The following SIDT1 variants were observed in gnomAD, a reference collection of about 807,000 sequenced individuals.
SIDT1 encodes the protein SID1 transmembrane family member 1, also known as SID1 transmembrane family, member 1.
A neutral mutation model predicts 107.5 loss-of-function variants in SIDT1; 101 were observed. That is an observed-to-expected ratio of 0.94 (90% confidence interval 0.80 to 1.11). SIDT1 has a LOEUF of 1.11. SIDT1 is among the 50% of genes least tolerant of loss of function. The pLI is 0.00. For synonymous variants in SIDT1, 395 were observed against 398.2 expected (o/e 0.99, Z 0.10); for missense variants, 1,076 against 1,058.2 (o/e 1.02, Z -0.23).
chr3:113,548,423 G>T (rs1377781173), intron 1 of SIDT1, among the ~76,000 whole-genome samples: 1 of 151,914 alleles, frequency 6.6e-6, no homozygotes, highest in Non-Finnish European at 1.5e-5. Flanking sequence ...GCAACCACTG[G>T]TTTTGTTTTA....
chr3:113,608,243 G>A lies in SIDT1; in HGVS notation c.1602+26G>A, dbSNP rs778546178. 3.8e-6 allele frequency: 6 copies of A among 1,567,262 alleles called. No homozygotes were observed. The East Asian group carries it at 1.1e-4, about 29-fold the overall frequency. ...GTGAGGAAAGAGTGGGTAGGAGCTA[G>A]GAAGGGTTATGGATCCAAACAGGAT... On this transcript the variant is annotated intron_variant, in intron 16 of 24. Transcript: ENST00000264852.
intron 1 of SIDT1, among the ~76,000 whole-genome samples, chr3:113,552,450 G>C (rs1940367194): frequency 6.6e-6 from 1 of 152,172 alleles, no homozygotes; most frequent in African/African-American, 2.4e-5. Flanking sequence ...GTTCGTGCAA[G>C]GGTCTTAGCT....
chr3:113,567,429 C>G (rs1942019641), intron 2 of SIDT1, 111 bp from the exon 3 acceptor site: 3 of 842,542 alleles, frequency 3.6e-6, no homozygotes, highest in Non-Finnish European at 5.6e-6. Flanking sequence ...ACATAAGGAC[C>G]TGAAAATGAA....
intron 14 of SIDT1, chr3:113,606,840 C>T (rs1576936392): frequency 2.0e-6 from 1 of 493,142 alleles, no homozygotes; most frequent in East Asian, 3.0e-5. Context: ...CCATTCAAAG[C>T]AAGATGGTAA....
intron 1 of SIDT1, among the ~76,000 whole-genome samples, chr3:113,546,235 A>G (rs1453437930): frequency 1.3e-5 from 2 of 152,134 alleles, no homozygotes; most frequent in Non-Finnish European, 1.5e-5. Context: ...TTGTTCTGAT[A>G]TTTTTCCACC....
chr3:113,623,192 TAA>T (rs61454117), intron 21 of SIDT1, among the ~76,000 whole-genome samples: 792 of 53,838 alleles, frequency 0.015, 5 homozygotes, highest in African/African-American at 0.045. Flanking sequence ...CCCCAACTCT[TAA>T]AAAAAAAAAA....
chr3:113,590,066 A>G (rs1226572532), intron 9 of SIDT1: 3 of 152,580 alleles, frequency 2.0e-5, no homozygotes, highest in East Asian at 1.9e-4. Context: ...ATGATAAAGA[A>G]CGATTGCATT....
In SIDT1 at chr3:113,619,664, C is replaced by T; in HGVS notation, c.2044-16C>T. On this transcript the variant is annotated splice_polypyrimidine_tract_variant and intron_variant, in intron 20 of 24. Transcript: ENST00000264852. The stretch of plus-strand genomic sequence containing the variant: ...TGTGCAGCCTCTCATTTGATGTTTT[C>T]TTTCCTCTTTTCCAGGATAGAATGG... 6.2e-7 allele frequency: 1 copy of T among 1,613,532 alleles called. No individual in the cohort carries two copies.
At chr3:113,619,000 T>G (rs1228409632) in intron 20 of SIDT1, among the ~76,000 whole-genome samples, 1 of 152,154 alleles carries the variant, frequency 6.6e-6, no homozygotes, top group African/African-American at 2.4e-5. Context: ...AATTTTTGTA[T>G]TTTTAGTAGA....
At position 113,608,068 on chromosome 3, in the gene SIDT1, T is replaced by C. The variant is rs752991852; in HGVS notation, c.1479-26T>C. On this transcript the variant is annotated intron_variant, in intron 15 of 24. Transcript: ENST00000264852. The stretch of plus-strand genomic sequence containing the variant: ...GGTCCCTTTGATGGTCTTGACTCTC[T>C]CATGGTCTCTCACTCATCCCTGTAG... The C allele has an allele frequency of 1.9e-6, 3 of 1,551,198 alleles. No homozygotes were observed. The Admixed American group carries it at 6.2e-5, about 32-fold the overall frequency.
chr3:113,608,265 G>C, intron 16 of SIDT1, 48 bp downstream of exon 16: 1 of 1,556,600 alleles, frequency 6.4e-7, no homozygotes, highest in Non-Finnish European at 8.7e-7. Context: ...GATCCAAACA[G>C]GATCTGCAAA....
intron 1 of SIDT1, among the ~76,000 whole-genome samples, chr3:113,559,528 G>A (rs368959945): frequency 1.3e-5 from 2 of 151,674 alleles, no homozygotes; most frequent in Admixed American, 6.6e-5. Flanking sequence ...TGCAACCTCT[G>A]CATCCTGGGC....
chr3:113,601,178 G>A (rs552105602), intron 10 of SIDT1, among the ~76,000 whole-genome samples: 2 of 152,160 alleles, frequency 1.3e-5, no homozygotes, highest in African/African-American at 4.8e-5. Flanking sequence ...GAAATTAATG[G>A]ACACATAAAA....
chr3:113,559,435 AT>A (rs57171720), intron 1 of SIDT1, among the ~76,000 whole-genome samples: 46,234 of 142,876 alleles, frequency 0.32, 6,979 homozygotes, highest in East Asian at 0.6. Flanking sequence ...CTTTTTATTT[AT>A]TTTTTTTTTT....
intron 1 of SIDT1, among the ~76,000 whole-genome samples, chr3:113,557,524 C>G (rs1042084909): frequency 2.0e-5 from 3 of 152,212 alleles, no homozygotes; most frequent in East Asian, 3.9e-4. Context: ...GACAGAGACA[C>G]ACAGAGGGGG....
At chr3:113,537,069 T>C (rs1938255570) in intron 1 of SIDT1, among the ~76,000 whole-genome samples, 1 of 152,226 alleles carries the variant, frequency 6.6e-6, no homozygotes, top group South Asian at 2.1e-4. Flanking sequence ...CAGATGTTTC[T>C]ATTTGAGCTA....
intron 19 of SIDT1, among the ~76,000 whole-genome samples, chr3:113,614,377 G>C (rs898609112): frequency 6.6e-6 from 1 of 152,206 alleles, no homozygotes; most frequent in Non-Finnish European, 1.5e-5. Flanking sequence ...ATGGGAACTA[G>C]CCAGCCTGTA....
chr3:113,552,153 T>C (rs952184523), intron 1 of SIDT1, among the ~76,000 whole-genome samples: 6 of 152,198 alleles, frequency 3.9e-5, no homozygotes, highest in South Asian at 2.1e-4. Flanking sequence ...CATTTGAGTG[T>C]CCACAGTTGT....
chr3:113,592,893 C>T (rs1944274492), intron 9 of SIDT1, 112 bp from the exon 10 acceptor site: 3 of 890,070 alleles, frequency 3.4e-6, no homozygotes, highest in South Asian at 1.3e-5. Context: ...GCCCCAAAGA[C>T]ATGTTTTGAA....
Sources: allele counts gnomAD v4.1 joint callset (sites outside exome capture counted in the v4.1 genomes callset), GRCh38; gene constraint gnomAD v4.1.1; transcripts MANE v1.5; gene names NCBI Gene and HGNC (gene_info 2026-07-23, HGNC 2026-07-21).